Variants in SNTG2 observed in about 807,000 individuals in gnomAD.
SNTG2 encodes gamma-2-syntrophin.
In SNTG2, 74 loss-of-function variants were observed where a neutral mutation model predicts 70.9. The ratio of observed to expected loss-of-function variants is 1.04; its 90% CI spans 0.86 to 1.27. SNTG2 has a LOEUF of 1.27. Among genes scored for constraint, SNTG2 ranks in the 50% most tolerant of loss-of-function variants. The pLI, the probability that SNTG2 is intolerant of heterozygous loss-of-function variation, is 0.00. For missense variants in SNTG2, 717 were observed against 690.7 expected, an observed-to-expected ratio of 1.04 and a Z score of -0.43; for synonymous variants, 278 against 273.8, an observed-to-expected ratio of 1.02 and a Z score of -0.15.
At chr2:1,178,228 T>C (rs1162401474) in intron 8 of SNTG2, among the ~76,000 whole-genome samples, 3 of 152,222 alleles carry the variant, frequency 2.0e-5, no homozygotes, top group Non-Finnish European at 4.4e-5. Flanking sequence ...TTTCTAGATA[T>C]ACAATCCTGT....
At chr2:1,179,302 CT>C (rs1426709355) in intron 8 of SNTG2, among the ~76,000 whole-genome samples, 19 of 151,994 alleles carry the variant, frequency 1.3e-4, no homozygotes, top group African/African-American at 4.4e-4. Flanking sequence ...TCTCTATTTC[CT>C]TCAGTTCTGC....
intron 1 of SNTG2, among the ~76,000 whole-genome samples, chr2:1,047,952 G>T (rs1160233492): frequency 6.6e-6 from 1 of 152,090 alleles, no homozygotes; most frequent in Non-Finnish European, 1.5e-5. Context: ...ACCAGGTGCT[G>T]TTCAACAGAT....
Position 1,040,713 on chromosome 2 carries a change from A to G in SNTG2, c.73-42805A>G, listed in dbSNP as rs115347983. The stretch of plus-strand genomic sequence containing the variant: ...CCTTAACATCATACCTGATGGTATG[A>G]AGCATTTCAAAAGACGTGATGAAGA... On this transcript the variant is annotated intron_variant, in intron 1 of 16. Coordinates refer to ENST00000308624, the MANE Select transcript of SNTG2 (RefSeq NM_018968.4). Among the ~76,000 whole-genome samples the G allele has an allele frequency of 5.9e-3, 899 of 152,346 alleles. 11 individuals carry two copies. Among genetic ancestry groups the G allele is most frequent in the African/African-American group, 0.021 (866 of 41,578 alleles).
intron 9 of SNTG2, among the ~76,000 whole-genome samples, chr2:1,213,406 C>G (rs1674173432): frequency 6.6e-6 from 1 of 152,144 alleles, no homozygotes; most frequent in Non-Finnish European, 1.5e-5. Flanking sequence ...TATTTTTGGT[C>G]ACAAAATATC....
At chr2:1,104,133 C>A (rs1665967950) in intron 4 of SNTG2, among the ~76,000 whole-genome samples, 1 of 152,236 alleles carries the variant, frequency 6.6e-6, no homozygotes, top group Non-Finnish European at 1.5e-5. Context: ...ATGCAAATGG[C>A]AGAGCCGGGG....
chr2:1,184,110 C>A (rs1672103067), intron 8 of SNTG2, among the ~76,000 whole-genome samples: 1 of 152,112 alleles, frequency 6.6e-6, no homozygotes, highest in South Asian at 2.1e-4. Flanking sequence ...TCTATGGGCC[C>A]CCAGTCCATC....
At chr2:982,611 C>G (rs1360100812) in intron 1 of SNTG2, among the ~76,000 whole-genome samples, 1 of 152,218 alleles carries the variant, frequency 6.6e-6, no homozygotes, top group Non-Finnish European at 1.5e-5. Flanking sequence ...GAGACTAATA[C>G]CATGAACACC....
At chr2:1,186,081 A>G (rs73171747) in intron 8 of SNTG2, among the ~76,000 whole-genome samples, 2,360 of 152,228 alleles carry the variant, frequency 0.016, 65 homozygotes, top group African/African-American at 0.054. Context: ...AATTTCTTCC[A>G]CCAGATACCC....
chr2:1,139,933 GATCAT>G (rs1476043814), intron 6 of SNTG2, among the ~76,000 whole-genome samples: 3 of 151,836 alleles, frequency 2.0e-5, no homozygotes, highest in East Asian at 1.9e-4. Flanking sequence ...GAACCAGACT[GATCAT>G]ATCATATGTT....
intron 1 of SNTG2, among the ~76,000 whole-genome samples, chr2:1,015,209 T>C (rs1290933585): frequency 1.3e-5 from 2 of 152,132 alleles, no homozygotes; most frequent in African/African-American, 4.8e-5. Context: ...TGGGACCATG[T>C]TGGTGGCTGT....
chr2:1,117,306 A>G (rs1192744718), intron 4 of SNTG2, among the ~76,000 whole-genome samples: 1 of 152,176 alleles, frequency 6.6e-6, no homozygotes, highest in East Asian at 1.9e-4. Flanking sequence ...AACATAAACC[A>G]TAGAAGGTGT....
intron 14 of SNTG2, among the ~76,000 whole-genome samples, chr2:1,285,528 A>C (rs1407450152): frequency 6.6e-6 from 1 of 152,232 alleles, no homozygotes; most frequent in Non-Finnish European, 1.5e-5. Context: ...CAAAGTTAAC[A>C]ATACTTAAAT....
At chr2:1,008,589 A>G (rs942659079) in intron 1 of SNTG2, among the ~76,000 whole-genome samples, 17 of 152,290 alleles carry the variant, frequency 1.1e-4, no homozygotes, top group African/African-American at 4.1e-4. Context: ...ACGTCATCAA[A>G]CCGTTTTTAT....
chr2:1,295,011 C>T (rs1680142516), intron 14 of SNTG2, among the ~76,000 whole-genome samples: 1 of 152,218 alleles, frequency 6.6e-6, no homozygotes, highest in African/African-American at 2.4e-5. Context: ...GTCTCGTTCA[C>T]TCCCGCTGCG....
In SNTG2 at chr2:1,129,997, C is replaced by A. The variant is rs574803833; in HGVS notation, c.326-7625C>A. On this transcript the variant is annotated intron_variant, in intron 4 of 16. Transcript: ENST00000308624. ...ACATTTGTAGGGAGCAAGTCTACTT[C>A]TTATTGTAGAGTTCCTGACAATAAG... is the stretch of plus-strand genomic sequence containing the variant. 7.9e-5 allele frequency among the ~76,000 whole-genome samples: 12 copies of A among 152,300 alleles called. No homozygotes were observed. The East Asian group carries it at 2.3e-3, about 29-fold the overall frequency.
At chr2:1,183,491 T>C (rs1013016458) in intron 8 of SNTG2, among the ~76,000 whole-genome samples, 1 of 152,190 alleles carries the variant, frequency 6.6e-6, no homozygotes, top group African/African-American at 2.4e-5. Flanking sequence ...AGAATTCCAG[T>C]TTCACATTCT....
At chr2:1,078,410 C>T (rs1572377861) in intron 1 of SNTG2, among the ~76,000 whole-genome samples, 1 of 152,228 alleles carries the variant, frequency 6.6e-6, no homozygotes, top group East Asian at 1.9e-4. Context: ...TCAGCCCAGA[C>T]CCCAGGACAT....
intron 6 of SNTG2, among the ~76,000 whole-genome samples, chr2:1,151,506 A>G (rs550459997): frequency 1.3e-5 from 2 of 152,190 alleles, no homozygotes; most frequent in Non-Finnish European, 2.9e-5. Flanking sequence ...CTGCAGGAAC[A>G]CCAGACACCA....
intron 1 of SNTG2, among the ~76,000 whole-genome samples, chr2:1,060,541 C>T (rs903508420): frequency 1.3e-5 from 2 of 152,172 alleles, no homozygotes; most frequent in Admixed American, 6.5e-5. Context: ...CCCCTGAGGA[C>T]AGTCTGGCTC....
Sources: allele counts gnomAD v4.1 joint callset (sites outside exome capture counted in the v4.1 genomes callset), GRCh38; gene constraint gnomAD v4.1.1; transcripts MANE v1.5; gene names NCBI Gene and HGNC (gene_info 2026-07-23, HGNC 2026-07-21).